FBXL20: variants seen among roughly 807,000 people sequenced by gnomAD.
The protein encoded by FBXL20 is F-box and leucine rich repeat protein 20.
A neutral mutation model predicts 64.0 loss-of-function variants in FBXL20; 11 were observed. The observed-to-expected ratio is 0.17, with a 90% CI of 0.11 to 0.28. FBXL20 has a LOEUF of 0.28. Ranked by LOEUF, FBXL20 falls within the 10% of genes least tolerant of loss-of-function variation. FBXL20 has a pLI of 1.00. For missense variants in FBXL20, 303 were observed against 526.2 expected (o/e 0.58, Z 4.15); for synonymous variants, 184 against 189.0 (o/e 0.97, Z 0.22).
At chr17:39,337,689 G>T (rs560054990) in intron 2 of FBXL20, among the ~76,000 whole-genome samples, 1 of 151,762 alleles carries the variant, frequency 6.6e-6, no homozygotes, top group African/African-American at 2.4e-5. Flanking sequence ...CGTCTGAGAA[G>T]TGAGGAGCCC....
chr17:39,352,058 C>T (rs976537338), intron 1 of FBXL20, among the ~76,000 whole-genome samples: 4 of 152,102 alleles, frequency 2.6e-5, no homozygotes, highest in African/African-American at 9.7e-5. Flanking sequence ...CGCGTGCACG[C>T]TATTACTTTT....
intron 2 of FBXL20, among the ~76,000 whole-genome samples, chr17:39,331,687 C>T (rs915621170): frequency 6.6e-6 from 1 of 152,180 alleles, no homozygotes; most frequent in Non-Finnish European, 1.5e-5. Flanking sequence ...TTTGTATCCA[C>T]ATTAAAGTTT....
chr17:39,334,494 A>G (rs1021189225), intron 2 of FBXL20, among the ~76,000 whole-genome samples: 1 of 149,354 alleles, frequency 6.7e-6, no homozygotes, highest in African/African-American at 2.5e-5. Context: ...AAAAAAAAAA[A>G]ATTCGAAAAA....
chr17:39,379,520 C>T (rs1048070942), intron 1 of FBXL20, among the ~76,000 whole-genome samples: 3 of 149,002 alleles, frequency 2.0e-5, no homozygotes, highest in Non-Finnish European at 1.5e-5. Flanking sequence ...CAGTGGCTTA[C>T]CCCTATAATC....
chr17:39,321,235 C>T (rs766480529), intron 2 of FBXL20, among the ~76,000 whole-genome samples: 7 of 151,324 alleles, frequency 4.6e-5, no homozygotes, highest in Non-Finnish European at 1.0e-4. Flanking sequence ...GGGTGGATCA[C>T]GAGGTCAGGA....
At chr17:39,330,079 G>C (rs1025731815) in intron 2 of FBXL20, among the ~76,000 whole-genome samples, 18 of 152,000 alleles carry the variant, frequency 1.2e-4, no homozygotes, top group Admixed American at 9.2e-4. Flanking sequence ...GATCACCTGA[G>C]GTCAGGAGTT....
At chr17:39,277,490 C>T (rs2144374979) in intron 9 of FBXL20, among the ~76,000 whole-genome samples, 1 of 152,176 alleles carries the variant, frequency 6.6e-6, no homozygotes, top group South Asian at 2.1e-4. Flanking sequence ...GGCACGGTGG[C>T]TCGCGTCTGT....
chr17:39,402,473 A>AGGCCGGG, upstream of FBXL20: 1 of 271,392 alleles, frequency 3.7e-6, no homozygotes, highest in Non-Finnish European at 6.9e-6. Context: ...GCTGCACCTG[A>AGGCCGGG]GGCCGGGGGT....
At chr17:39,394,348 C>T (rs2048162435) in intron 1 of FBXL20, among the ~76,000 whole-genome samples, 1 of 150,028 alleles carries the variant, frequency 6.7e-6, no homozygotes, top group South Asian at 2.1e-4. Context: ...GCTCGGCTCA[C>T]TGCAAGCTCC....
intron 9 of FBXL20, among the ~76,000 whole-genome samples, chr17:39,276,531 C>T (rs2046897214): frequency 6.6e-6 from 1 of 151,664 alleles, no homozygotes; most frequent in Admixed American, 6.6e-5. Flanking sequence ...TAGCCAGGCG[C>T]AGTGGCGGAT....
intron 6 of FBXL20, among the ~76,000 whole-genome samples, chr17:39,292,287 T>C (rs893000661): frequency 2.0e-5 from 3 of 150,842 alleles, no homozygotes; most frequent in Non-Finnish European, 4.4e-5. Context: ...CTTTCCCAAC[T>C]AGTATTTATA....
intron 6 of FBXL20, among the ~76,000 whole-genome samples, chr17:39,296,307 T>A (rs2047084699): frequency 6.6e-6 from 1 of 152,046 alleles, no homozygotes; most frequent in South Asian, 2.1e-4. Context: ...ATGCCTGTAA[T>A]CCCAGCACTT....
chr17:39,376,436 T>C (rs550352326), intron 1 of FBXL20, among the ~76,000 whole-genome samples: 18 of 152,212 alleles, frequency 1.2e-4, no homozygotes, highest in Middle Eastern at 3.4e-3. Context: ...CATAAGGGCA[T>C]TGGTAAGCTC....
At position 39,264,339 on chromosome 17, in the gene FBXL20, C is replaced by T; in HGVS notation, c.1039G>A (p.Gly347Arg). 1.2e-6 allele frequency: 2 copies of T among 1,613,966 alleles called. No homozygotes were observed. Among genetic ancestry groups the T allele is most frequent in the Non-Finnish European group, 1.7e-6 (2 of 1,180,032 alleles). Reference sequence around the variant, plus strand: ...TGGTCATGGGCGCAGGCCCCATTCCCCAGGTGACGAATTCCATCATCTGTG... The same window carrying T: ...TGGTCATGGGCGCAGGCCCCATTCCTCAGGTGACGAATTCCATCATCTGTG... ...LITDDGIRHL[G>R]NGACAHDQLE... Residue 347 changes from glycine to arginine, a missense_variant, in exon 14 of 15, where the codon GGG becomes AGG. Around this residue, in one of 3 missense-constraint regions of FBXL20, gnomAD observed 246 missense variants for 422.6 expected, o/e 0.58. Coordinates refer to ENST00000264658, the MANE Select transcript of FBXL20 (RefSeq NM_032875.3).
intron 1 of FBXL20, among the ~76,000 whole-genome samples, chr17:39,369,036 T>C (rs2144631089): frequency 6.6e-6 from 1 of 152,270 alleles, no homozygotes; most frequent in East Asian, 1.9e-4. Flanking sequence ...GTCCCTGTGA[T>C]CTCATGTTTC....
At chr17:39,353,590 C>A (rs1023578217) in intron 1 of FBXL20, among the ~76,000 whole-genome samples, 49 of 148,812 alleles carry the variant, frequency 3.3e-4, no homozygotes, top group Non-Finnish European at 5.3e-4. Context: ...ATAAGGGAGA[C>A]CACTACACCT....
At chr17:39,361,213 G>A (rs1240181722) in intron 1 of FBXL20, among the ~76,000 whole-genome samples, 1 of 152,038 alleles carries the variant, frequency 6.6e-6, no homozygotes, top group Non-Finnish European at 1.5e-5. Context: ...TGAAGGTCTA[G>A]AAGAAGGAGT....
chr17:39,278,784 G>A (rs942638889), intron 9 of FBXL20, among the ~76,000 whole-genome samples: 2 of 210 alleles, frequency 9.5e-3, no homozygotes, highest in Non-Finnish European at 0.013. Context: ...GACCTCAAAC[G>A]ATCCACCGTC....
intron 2 of FBXL20, among the ~76,000 whole-genome samples, chr17:39,341,329 A>G (rs76558612): frequency 0.011 from 1,631 of 152,340 alleles, 28 homozygotes; most frequent in African/African-American, 0.037. Flanking sequence ...CCTATAATGT[A>G]TATAAGAGTT....
Sources: gnomAD v4.1 joint callset for allele counts (sites outside exome capture counted in the v4.1 genomes callset) on GRCh38, gnomAD v4.1.1 for gene constraint, gnomAD v4.1.1 regional missense constraint, MANE v1.5 for transcripts, NCBI Gene and HGNC (gene_info 2026-07-23, HGNC 2026-07-21) for gene names.